Variants in EBF1 observed in about 807,000 individuals in gnomAD.
EBF1 encodes transcription factor COE1.
In EBF1, 10 loss-of-function variants were observed where a neutral mutation model predicts 68.4. The ratio of observed to expected loss-of-function variants is 0.15; its 90% CI spans 0.09 to 0.25. The LOEUF is 0.25. EBF1 is among the 10% of genes least tolerant of loss of function. The pLI is 1.00. For missense variants in EBF1, 509 were observed against 794.4 expected, an observed-to-expected ratio of 0.64 and a Z score of 4.32; for synonymous variants, 298 against 299.8, an observed-to-expected ratio of 0.99 and a Z score of 0.06.
chr5:158,699,971 C>A (rs926747334), intron 15 of EBF1, among the ~76,000 whole-genome samples: 2 of 152,208 alleles, frequency 1.3e-5, no homozygotes, highest in Admixed American at 6.5e-5. Context: ...CTGAGTCCCA[C>A]CTCTGGCTTT....
chr5:158,871,466 T>A (rs757048060), intron 6 of EBF1, among the ~76,000 whole-genome samples: 3 of 152,208 alleles, frequency 2.0e-5, no homozygotes, highest in East Asian at 3.8e-4. Flanking sequence ...AATAATAATA[T>A]GTAGAACAAT....
At chr5:158,950,655 A>G (rs1815758681) in intron 6 of EBF1, among the ~76,000 whole-genome samples, 1 of 152,224 alleles carries the variant, frequency 6.6e-6, no homozygotes. Context: ...AACCTTCTTT[A>G]TCTCTGACAT....
At chr5:158,907,793 A>G (rs537447278) in intron 6 of EBF1, among the ~76,000 whole-genome samples, 237 of 152,244 alleles carry the variant, frequency 1.6e-3, no homozygotes, top group African/African-American at 5.6e-3. Context: ...GGTGTAACCA[A>G]CCAAAACCAG....
chr5:159,029,998 A>G (rs913065672), intron 6 of EBF1, among the ~76,000 whole-genome samples: 2 of 151,896 alleles, frequency 1.3e-5, no homozygotes, highest in Non-Finnish European at 2.9e-5. Flanking sequence ...GTTCATCAGT[A>G]TTATTTGTAA....
intron 8 of EBF1, among the ~76,000 whole-genome samples, chr5:158,807,411 G>A (rs2127782465): frequency 6.6e-6 from 1 of 152,266 alleles, no homozygotes; most frequent in Middle Eastern, 3.4e-3. Flanking sequence ...ATTTGAGAAT[G>A]TGGATCCAGC....
chr5:158,760,200 A>G (rs1197101703), intron 10 of EBF1, among the ~76,000 whole-genome samples: 1 of 152,170 alleles, frequency 6.6e-6, no homozygotes, highest in African/African-American at 2.4e-5. Context: ...TTATTTAAAG[A>G]TTTTGCTCAG....
chr5:158,702,388 T>C (rs1201864049), intron 15 of EBF1, among the ~76,000 whole-genome samples: 1 of 152,168 alleles, frequency 6.6e-6, no homozygotes, highest in African/African-American at 2.4e-5. Context: ...CTCAGCACCA[T>C]GTGCCAAGAC....
intron 14 of EBF1, among the ~76,000 whole-genome samples, chr5:158,710,233 A>G (rs1248164558): frequency 2.0e-5 from 3 of 152,206 alleles, no homozygotes; most frequent in Non-Finnish European, 2.9e-5. Context: ...GTTTGTGAGC[A>G]CTGAGAAAAT....
intron 6 of EBF1, among the ~76,000 whole-genome samples, chr5:158,880,784 T>C (rs1257362102): frequency 6.6e-6 from 1 of 152,214 alleles, no homozygotes; most frequent in East Asian, 1.9e-4. Flanking sequence ...CCCAGTTGTT[T>C]GTAGTGTGAA....
chr5:159,035,039 C>T (rs1769747891), intron 6 of EBF1, among the ~76,000 whole-genome samples: 1 of 151,868 alleles, frequency 6.6e-6, no homozygotes, highest in Non-Finnish European at 1.5e-5. Flanking sequence ...AAAAATAAAC[C>T]AGAAGCCACT....
chr5:158,942,394 C>A (rs1341099875), intron 6 of EBF1, among the ~76,000 whole-genome samples: 1 of 152,204 alleles, frequency 6.6e-6, no homozygotes, highest in African/African-American at 2.4e-5. Flanking sequence ...GTTACTTCAG[C>A]TATTTTAGCT....
At chr5:158,948,550 C>A (rs937002749) in intron 6 of EBF1, among the ~76,000 whole-genome samples, 1 of 152,110 alleles carries the variant, frequency 6.6e-6, no homozygotes, top group Non-Finnish European at 1.5e-5. Flanking sequence ...AAGGGGAGAG[C>A]CAAATTTGCA....
intron 6 of EBF1, among the ~76,000 whole-genome samples, chr5:158,859,858 CT>C (rs1483130591): frequency 6.6e-6 from 1 of 152,184 alleles, no homozygotes; most frequent in Non-Finnish European, 1.5e-5. Flanking sequence ...CACTTATTAC[CT>C]TGTACTTTGC....
intron 6 of EBF1, among the ~76,000 whole-genome samples, chr5:158,977,164 A>G (rs929044933): frequency 2.0e-5 from 3 of 152,218 alleles, no homozygotes; most frequent in African/African-American, 7.2e-5. Context: ...GAGTAGATGC[A>G]AACCACAAAG....
chr5:158,908,371 CATG>C (rs1805133665), intron 6 of EBF1, among the ~76,000 whole-genome samples: 2 of 152,188 alleles, frequency 1.3e-5, no homozygotes, highest in South Asian at 4.1e-4. Flanking sequence ...ATTAACTTAA[CATG>C]ATATCTTGGC....
chr5:159,039,444 A>G (rs1444726122), intron 6 of EBF1, among the ~76,000 whole-genome samples: 1 of 152,210 alleles, frequency 6.6e-6, no homozygotes, highest in Non-Finnish European at 1.5e-5. Flanking sequence ...TATATAAACT[A>G]CTGTCTACTT....
At chr5:158,914,880 T>C (rs1021571233) in intron 6 of EBF1, among the ~76,000 whole-genome samples, 2 of 152,202 alleles carry the variant, frequency 1.3e-5, no homozygotes, top group Non-Finnish European at 2.9e-5. Context: ...TACATTACCA[T>C]ACTTAATGGA....
intron 6 of EBF1, among the ~76,000 whole-genome samples, chr5:158,982,197 G>A (rs1376599880): frequency 6.6e-6 from 1 of 152,146 alleles, no homozygotes; most frequent in East Asian, 1.9e-4. Flanking sequence ...AGAAATCCTA[G>A]GTCAAATAGA....
chr5:158,990,470 G>A (rs1285803735), intron 6 of EBF1, among the ~76,000 whole-genome samples: 1 of 152,232 alleles, frequency 6.6e-6, no homozygotes, highest in Non-Finnish European at 1.5e-5. Flanking sequence ...GACAGGCCTT[G>A]AACTAAGGTT....
Sources: gnomAD v4.1 joint callset for allele counts (sites outside exome capture counted in the v4.1 genomes callset) on GRCh38, gnomAD v4.1.1 for gene constraint, MANE v1.5 for transcripts, NCBI Gene and HGNC (gene_info 2026-07-23, HGNC 2026-07-21) for gene names.